C5orf63: variants seen among roughly 807,000 people sequenced by gnomAD.
The protein encoded by C5orf63 is glutaredoxin-like protein C5orf63.
In C5orf63, 18 loss-of-function variants were observed where a neutral mutation model predicts 13.3. That is an observed-to-expected ratio of 1.36 (90% CI 0.94 to 2.01). C5orf63 has a LOEUF of 2.01. Ranked by LOEUF, C5orf63 falls within the 30% of genes most tolerant of loss-of-function variation. The probability of loss-of-function intolerance (pLI) is 0.00; values close to 1 mark genes in which losing one functional copy is unlikely to be tolerated. For missense variants in C5orf63, 118 were observed against 127.7 expected, an observed-to-expected ratio of 0.92 and a Z score of 0.36; for synonymous variants, 38 against 44.7, an observed-to-expected ratio of 0.85 and a Z score of 0.60.
downstream of C5orf63, chr5:127,046,921 T>C (rs1476131083): frequency 6.6e-6 from 1 of 152,216 alleles, no homozygotes; most frequent in African/African-American, 2.4e-5. Flanking sequence ...GCCAAGGCAC[T>C]GTGAGAAGGG....
intron 3 of C5orf63, among the ~76,000 whole-genome samples, chr5:127,054,326 G>A (rs564932888): frequency 6.6e-6 from 1 of 152,266 alleles, no homozygotes; most frequent in South Asian, 2.1e-4. Context: ...TTTCCACAAT[G>A]GTTGAACTAG....
downstream of C5orf63, chr5:127,043,391 C>T (rs1186841132): frequency 1.3e-5 from 2 of 152,104 alleles, no homozygotes; most frequent in African/African-American, 4.8e-5. Flanking sequence ...TTATTACTGG[C>T]TTAGTGAAAT....
chr5:127,052,953 G>A (rs1303436742), intron 3 of C5orf63, among the ~76,000 whole-genome samples: 1 of 152,016 alleles, frequency 6.6e-6, no homozygotes, highest in Non-Finnish European at 1.5e-5. Context: ...CATACATATA[G>A]ATGTTTCTCT....
At chr5:127,052,810 C>T (rs1753729531) in intron 3 of C5orf63, 141 bp from the exon 4 acceptor site, 1 of 523,582 alleles carries the variant, frequency 1.9e-6, no homozygotes. Context: ...AGTTACACTG[C>T]TTTTCCAAAG....
chr5:127,043,987 C>A (rs947637853), downstream of C5orf63: 1 of 152,222 alleles, frequency 6.6e-6, no homozygotes, highest in Non-Finnish European at 1.5e-5. Context: ...CCACTGAGGT[C>A]TTCTGTGCAA....
chr5:127,065,102 G>A (rs1004123220), intron 2 of C5orf63, among the ~76,000 whole-genome samples: 1 of 152,092 alleles, frequency 6.6e-6, no homozygotes, highest in African/African-American at 2.4e-5. Flanking sequence ...ATAACAAGAT[G>A]TATTTCAGTT....
chr5:127,070,249 A>AG (rs1754487001), intron 2 of C5orf63, among the ~76,000 whole-genome samples: 3 of 152,344 alleles, frequency 2.0e-5, no homozygotes, highest in African/African-American at 7.2e-5. Context: ...ATTAAATAAT[A>AG]GAATCATTTT....
intron 4 of C5orf63, chr5:127,052,359 T>A (rs969297319): frequency 2.7e-6 from 1 of 369,716 alleles, no homozygotes; most frequent in Non-Finnish European, 4.8e-6. Flanking sequence ...AAAGAAAACA[T>A]GAATGCTGCA....
Position 127,062,803 on chromosome 5 carries a change from G to C in C5orf63, c.-7-3801C>G, listed in dbSNP as rs112669150. On this transcript the variant is annotated intron_variant, in intron 2 of 4. Transcript: ENST00000296662. ...ACTATAAAAAATATCCTGAAACATG[G>C]TCTCTGCCTGTTAGCTCATGACTGT... Among the ~76,000 whole-genome samples, 545 of 152,090 alleles carry C rather than the reference G, an allele frequency of 3.6e-3. 3 individuals are homozygous for C. Among genetic ancestry groups the C allele is most frequent in the African/African-American group, 0.013 (519 of 41,492 alleles).
rs750997517 is a variant in C5orf63, at chr5:127,051,894, T to G, written c.225A>C (p.Glu75Asp). ...ITLPENSVWYERYKFDIPVFH... is the reference protein window; with the variant it reads ...ITLPENSVWYDRYKFDIPVFH... ...AGACAGGAATATCAAATTTATACCT[T>G]TCATACCAGACAGAGTTTTCTGGAA... The change falls in exon 5 of 5, where the codon GAA (glutamate) becomes GAC (aspartate). Residue 75 changes from glutamate to aspartate, a missense_variant. Transcript: ENST00000296662. 1 of 1,532,874 alleles carries G rather than the reference T, an allele frequency of 6.5e-7. No homozygotes were observed. Among genetic ancestry groups the G allele is most frequent in the South Asian group, 1.2e-5 (1 of 83,094 alleles). 95.0% of individuals were successfully genotyped at this position (1,532,874 alleles called of 1,614,324 possible).
chr5:127,047,092 TC>T (rs1298282737), downstream of C5orf63: 9 of 152,338 alleles, frequency 5.9e-5, no homozygotes, highest in African/African-American at 1.9e-4. Context: ...AGCTATGTGT[TC>T]CAGTAAGCTC....
chr5:127,060,662 A>G (rs1303122747), intron 2 of C5orf63, among the ~76,000 whole-genome samples: 1 of 152,226 alleles, frequency 6.6e-6, no homozygotes, highest in African/African-American at 2.4e-5. Context: ...TTGCAACTGC[A>G]AAGTTTCTCT....
At chr5:127,057,826 T>G (rs1237576514) in intron 3 of C5orf63, among the ~76,000 whole-genome samples, 2 of 152,244 alleles carry the variant, frequency 1.3e-5, no homozygotes, top group African/African-American at 4.8e-5. Flanking sequence ...TTTTGTGCTT[T>G]TTATTGGTGA....
chr5:127,052,058 T>C, intron 4 of C5orf63, 111 bp from the exon 5 acceptor site: 1 of 918,456 alleles, frequency 1.1e-6, no homozygotes, highest in Non-Finnish European at 1.5e-6. Context: ...CTTATAGTTG[T>C]TTGTTTGTTT....
intron 2 of C5orf63, among the ~76,000 whole-genome samples, chr5:127,071,332 C>G (rs577405430): frequency 6.6e-6 from 1 of 152,052 alleles, no homozygotes; most frequent in East Asian, 1.9e-4. Flanking sequence ...TTTCAGTTTG[C>G]CTCCATATCT....
intron 3 of C5orf63, among the ~76,000 whole-genome samples, chr5:127,057,881 G>A (rs564517306): frequency 4.6e-5 from 7 of 152,258 alleles, no homozygotes; most frequent in African/African-American, 1.7e-4. Context: ...TGAAGTGCTG[G>A]CTAGTGTTCC....
At chr5:127,048,923 A>G (rs9918233), downstream of C5orf63, among the ~76,000 whole-genome samples, 10,163 of 152,206 alleles carry the variant, frequency 0.067, 677 homozygotes, top group African/African-American at 0.17. Flanking sequence ...CTAGGAGAAG[A>G]ATCAGCAACC....
chr5:127,049,654 A>G (rs191975252), downstream of C5orf63, among the ~76,000 whole-genome samples: 1 of 152,356 alleles, frequency 6.6e-6, no homozygotes, highest in Non-Finnish European at 1.5e-5. Context: ...CGGTGCTTCA[A>G]TGCTGTAAGG....
At chr5:127,059,688 A>G (rs1754022504) in intron 2 of C5orf63, among the ~76,000 whole-genome samples, 1 of 151,204 alleles carries the variant, frequency 6.6e-6, no homozygotes, top group Admixed American at 6.6e-5. Flanking sequence ...TGATTGCACC[A>G]CTGCACTCCA....
Sources: allele counts gnomAD v4.1 joint callset (sites outside exome capture counted in the v4.1 genomes callset), GRCh38; gene constraint gnomAD v4.1.1; transcripts MANE v1.5; gene names NCBI Gene and HGNC (gene_info 2026-07-23, HGNC 2026-07-21).